SMAD2: variants seen among roughly 807,000 people sequenced by gnomAD.
SMAD2 encodes the protein MAD homolog 2.
A neutral mutation model predicts 64.4 loss-of-function variants in SMAD2; 8 were observed. The observed-to-expected ratio is 0.12, with a 90% CI of 0.07 to 0.22. SMAD2 has a LOEUF of 0.22. Ranked by LOEUF, SMAD2 falls within the 10% of genes least tolerant of loss-of-function variation. SMAD2 has a pLI of 1.00. For synonymous variants in SMAD2, 203 were observed against 195.8 expected, an observed-to-expected ratio of 1.04 and a Z score of -0.31; for missense variants, 289 against 561.2, an observed-to-expected ratio of 0.51 and a Z score of 4.90.
At chr18:47,847,009 A>G (rs1394492384) in intron 8 of SMAD2, among the ~76,000 whole-genome samples, 1 of 152,192 alleles carries the variant, frequency 6.6e-6, no homozygotes, top group Non-Finnish European at 1.5e-5. Context: ...TCCAAAAAGT[A>G]GAGATTTTTC....
intron 6 of SMAD2, among the ~76,000 whole-genome samples, chr18:47,861,377 T>G (rs1453586699): frequency 6.6e-6 from 1 of 152,014 alleles, no homozygotes; most frequent in African/African-American, 2.4e-5. Flanking sequence ...GACATGGCTG[T>G]GTATGCAGAA....
At position 47,841,743 on chromosome 18, in the gene SMAD2, A is replaced by T. The variant is rs993131462; in HGVS notation, c.*84T>A. The T allele has an allele frequency of 6.5e-7, 1 of 1,528,486 alleles. No individual in the cohort carries two copies. The highest frequency in any genetic ancestry group is 9.1e-7 in the Non-Finnish European group (1 of 1,104,944). 94.7% of individuals were successfully genotyped at this position (1,528,486 alleles called of 1,614,324 possible). The stretch of plus-strand genomic sequence containing the variant: ...TTTCTCTCTTGAACTTTTGGATAGT[A>T]AACAGTCCATAGGGACCACACACAA... On this transcript the variant is annotated 3_prime_UTR_variant, in exon 11 of 11. Coordinates refer to ENST00000262160, the MANE Select transcript of SMAD2 (RefSeq NM_005901.6).
chr18:47,837,568 AAAAAAAAAAAAC>A lies in SMAD2; in HGVS notation c.*4247_*4258del, dbSNP rs1913536479. The stretch of plus-strand genomic sequence containing the variant: ...CAGAGCGAGACTCCCTCTCAAAAAA[AAAAAAAAAAAAC>A]AAAAAACAAGGCTAACAAGAAAGAG... On this transcript the variant is annotated 3_prime_UTR_variant, in exon 11 of 11. Transcript: ENST00000262160. 3 of 227,056 alleles carry A rather than the reference AAAAAAAAAAAAC, an allele frequency of 1.3e-5. No homozygotes were observed. Among genetic ancestry groups the A allele is most frequent in the East Asian group, 1.3e-4 (2 of 15,266 alleles). 14.1% of individuals were successfully genotyped at this position (227,056 alleles called of 1,614,324 possible).
intron 3 of SMAD2, 88 bp downstream of exon 3, chr18:47,870,387 A>T (rs989577397): frequency 5.3e-6 from 5 of 950,374 alleles, no homozygotes; most frequent in Non-Finnish European, 8.7e-6. Context: ...CCTAGGCAAA[A>T]TTATACTAAG....
chr18:47,843,136 C>A (rs1262869407), intron 10 of SMAD2, among the ~76,000 whole-genome samples: 3 of 152,186 alleles, frequency 2.0e-5, no homozygotes, highest in Non-Finnish European at 2.9e-5. Context: ...CAGGTATCTG[C>A]ATTTCTGTGC....
chr18:47,842,408 C>T (rs1792688), intron 10 of SMAD2, among the ~76,000 whole-genome samples: 83,367 of 151,786 alleles, frequency 0.55, 23,353 homozygotes, highest in East Asian at 0.82. Context: ...GGCGTGGTGG[C>T]GTGTGCCTGT....
chr18:47,896,734 G>A lies in SMAD2; in HGVS notation c.23C>T (p.Thr8Met), dbSNP rs1341462958. The A allele has an allele frequency of 5.0e-6, 8 of 1,613,864 alleles. No homozygotes were observed. The highest frequency in any genetic ancestry group is 2.2e-5 in the East Asian group (1 of 44,902). The stretch of plus-strand genomic sequence containing the variant: ...CAGCAGTCTCTTCACAACTGGCGGC[G>A]TGAATGGCAAGATGGACGACATGTT... MSSILPF[T>M]PPVVKRLLGW... The change falls in exon 2 of 11, where the codon ACG (threonine) becomes ATG (methionine). Residue 8 changes from threonine (T) to methionine (M), a missense_variant. Physicochemically the swap from Thr to Met is moderately conservative, Grantham distance 81. This residue lies in a region of SMAD2 where 89 missense variants were observed against 137.1 expected (regional missense o/e 0.65). Coordinates refer to ENST00000262160, the MANE Select transcript of SMAD2 (RefSeq NM_005901.6).
At chr18:47,919,288 AC>A (rs1247797537) in intron 1 of SMAD2, among the ~76,000 whole-genome samples, 2 of 151,676 alleles carry the variant, frequency 1.3e-5, no homozygotes, top group Admixed American at 6.6e-5. Flanking sequence ...TTACCGCCCC[AC>A]CCCCAACACA....
chr18:47,917,649 T>C (rs1260389912), intron 1 of SMAD2, among the ~76,000 whole-genome samples: 2 of 152,222 alleles, frequency 1.3e-5, no homozygotes, highest in East Asian at 1.9e-4. Flanking sequence ...TGGAGAGTTA[T>C]TGGTAAAAAA....
intron 6 of SMAD2, among the ~76,000 whole-genome samples, chr18:47,862,831 T>C (rs1468484287): frequency 6.6e-6 from 1 of 152,194 alleles, no homozygotes; most frequent in East Asian, 1.9e-4. Flanking sequence ...ATATACCTGT[T>C]TGAACAAATA....
rs2144287574 is a variant in SMAD2 at position 47,845,403 on chromosome 18, T to C, written c.1217A>G (p.Tyr406Cys). ...TATGGTGCACATTCTAGTTAGCTGA[T>C]AGACGGCTTCAAAACCCTGATTAAC... ...QSVNQGFEAV[Y>C]QLTRMCTIRM... Residue 406 changes from tyrosine (Y) to cysteine (C), a missense_variant, in exon 10 of 11, where the codon TAT becomes TGT. Coordinates refer to ENST00000262160, the MANE Select transcript of SMAD2 (RefSeq NM_005901.6). The C allele has an allele frequency of 6.2e-7, 1 of 1,613,888 alleles. No individual in the cohort carries two copies. The highest frequency in any genetic ancestry group is 8.5e-7 in the Non-Finnish European group (1 of 1,179,792).
chr18:47,888,828 A>G (rs1304678598), intron 2 of SMAD2, among the ~76,000 whole-genome samples: 2 of 152,224 alleles, frequency 1.3e-5, no homozygotes, highest in Non-Finnish European at 2.9e-5. Flanking sequence ...TTTGAGAAAG[A>G]AAAGAATGGA....
In SMAD2 at chr18:47,831,758, G is replaced by T. The variant is rs1274822392; in HGVS notation, c.*10069C>A. ...AAGAATTACTGCATGTCTCACTATGGCAAAATAGCATGACATTTGTTTTAC... is the reference window on the plus strand; with the variant it reads ...AAGAATTACTGCATGTCTCACTATGTCAAAATAGCATGACATTTGTTTTAC... On this transcript the variant is annotated 3_prime_UTR_variant, in exon 11 of 11. Transcript: ENST00000262160. The T allele has an allele frequency of 6.6e-6, 1 of 150,726 alleles. No homozygotes were observed. Among genetic ancestry groups the T allele is most frequent in the Admixed American group, 6.9e-5 (1 of 14,418 alleles). 9.3% of individuals were successfully genotyped at this position (150,726 alleles called of 1,614,324 possible).
chr18:47,926,133 CTGAA>C (rs879602465), intron 1 of SMAD2, among the ~76,000 whole-genome samples: 9 of 152,224 alleles, frequency 5.9e-5, no homozygotes, highest in African/African-American at 7.2e-5. Context: ...AGCTTGGAAT[CTGAA>C]TGGCTGTCTG....
intron 1 of SMAD2, among the ~76,000 whole-genome samples, chr18:47,903,153 A>T (rs1008686385): frequency 6.6e-6 from 1 of 152,132 alleles, no homozygotes. Flanking sequence ...AGATGATCCC[A>T]AGAGAGTCTA....
intron 2 of SMAD2, among the ~76,000 whole-genome samples, chr18:47,873,856 C>T (rs1212253161): frequency 6.6e-6 from 1 of 152,110 alleles, no homozygotes; most frequent in Non-Finnish European, 1.5e-5. Flanking sequence ...AAACAGAACA[C>T]TGCAGGGGGG....
At chr18:47,874,054 T>A (rs541029081) in intron 2 of SMAD2, among the ~76,000 whole-genome samples, 23 of 152,326 alleles carry the variant, frequency 1.5e-4, no homozygotes, top group African/African-American at 5.5e-4. Flanking sequence ...AAGCTAAGTA[T>A]ATAGAGATAC....
rs116929792 is a variant in SMAD2 at position 47,921,512 on chromosome 18, C to T, written c.-54+8849G>A. The stretch of plus-strand genomic sequence containing the variant: ...ATGCAGCTGTAGATGTTTTCATGTA[C>T]CCTGCCTTGCCTTGCTGTGATATTA... On this transcript the variant is annotated intron_variant, in intron 1 of 10. Transcript: ENST00000262160. Among the ~76,000 whole-genome samples, 83 of 152,292 alleles carry T rather than the reference C, an allele frequency of 5.5e-4. 1 individual carries two copies. In the East Asian group the frequency reaches 0.016, roughly 29 times the overall value.
At chr18:47,896,282 C>T (rs528057490) in intron 2 of SMAD2, among the ~76,000 whole-genome samples, 2 of 152,118 alleles carry the variant, frequency 1.3e-5, no homozygotes, top group Non-Finnish European at 2.9e-5. Flanking sequence ...GGATAACATA[C>T]AAATGTAGGC....
Sources: allele counts gnomAD v4.1 joint callset (sites outside exome capture counted in the v4.1 genomes callset), GRCh38; gene constraint gnomAD v4.1.1; regional missense constraint gnomAD v4.1.1; transcripts MANE v1.5; gene names NCBI Gene and HGNC (gene_info 2026-07-23, HGNC 2026-07-21).